MATCAP2: variants seen among roughly 807,000 people sequenced by gnomAD.
MATCAP2 encodes microtubule associated tyrosine carboxypeptidase 2.
chr7:36,385,719 G>A, the MATCAP2 span, among the ~76,000 whole-genome samples: 1 of 151,568 alleles, frequency 6.6e-6, no homozygotes, highest in African/African-American at 2.4e-5. Flanking sequence ...CCAGGAATTT[G>A]AAGCTGCAGT....
At chr7:36,351,828 T>G in the MATCAP2 span, among the ~76,000 whole-genome samples, 1 of 151,478 alleles carries the variant, frequency 6.6e-6, no homozygotes, top group Non-Finnish European at 1.5e-5. Flanking sequence ...ATGCCTATAG[T>G]TCAGCTACTT....
chr7:36,356,823 CTT>C, the MATCAP2 span: 1 of 1,190,456 alleles, frequency 8.4e-7, no homozygotes, highest in Non-Finnish European at 1.2e-6. Flanking sequence ...TTTTAAATGT[CTT>C]TGTTTTTGCT....
the MATCAP2 span, chr7:36,326,820 G>T: frequency 6.2e-7 from 1 of 1,613,922 alleles, no homozygotes; most frequent in Non-Finnish European, 8.5e-7. Context: ...TCTTCTCTAA[G>T]TGTTCCATAT....
At chr7:36,376,438 G>A in the MATCAP2 span, among the ~76,000 whole-genome samples, 1 of 152,204 alleles carries the variant, frequency 6.6e-6, no homozygotes, top group Non-Finnish European at 1.5e-5. Flanking sequence ...TAATTTGATT[G>A]CAGTGTGGTC....
the MATCAP2 span, among the ~76,000 whole-genome samples, chr7:36,345,534 T>C: frequency 1.7e-3 from 262 of 152,322 alleles, 2 homozygotes; most frequent in African/African-American, 5.6e-3. Context: ...CCATTATTCA[T>C]ATTACAGATC....
chr7:36,327,585 G>A, the MATCAP2 span, among the ~76,000 whole-genome samples: 2 of 152,154 alleles, frequency 1.3e-5, no homozygotes, highest in African/African-American at 4.8e-5. Context: ...CGAAATAAAA[G>A]AATCAAAATA....
the MATCAP2 span, among the ~76,000 whole-genome samples, chr7:36,368,633 G>A: frequency 7.9e-5 from 12 of 152,246 alleles, no homozygotes; most frequent in Non-Finnish European, 1.6e-4. Context: ...TGGCCAGAGT[G>A]AACCTGTGAA....
At chr7:36,363,329 T>G in the MATCAP2 span, among the ~76,000 whole-genome samples, 2 of 152,168 alleles carry the variant, frequency 1.3e-5, no homozygotes, top group African/African-American at 4.8e-5. Flanking sequence ...TCTCCTTATA[T>G]CACATACAAA....
chr7:36,335,262 G>C, the MATCAP2 span: 3 of 1,230,384 alleles, frequency 2.4e-6, no homozygotes. Flanking sequence ...CAATGGGCCT[G>C]TAAATTAACA....
At chr7:36,350,831 T>C in the MATCAP2 span, among the ~76,000 whole-genome samples, 2 of 152,202 alleles carry the variant, frequency 1.3e-5, no homozygotes, top group Non-Finnish European at 2.9e-5. Context: ...GTTTACAAAC[T>C]GGAAGACTTC....
At chr7:36,355,866 TA>T in the MATCAP2 span, 1 of 152,348 alleles carries the variant, frequency 6.6e-6, no homozygotes, top group African/African-American at 2.4e-5. Flanking sequence ...GCCCTGCAGA[TA>T]AACATTAGCT....
At chr7:36,352,681 A>T in the MATCAP2 span, among the ~76,000 whole-genome samples, 1 of 151,776 alleles carries the variant, frequency 6.6e-6, no homozygotes, top group Non-Finnish European at 1.5e-5. Context: ...AAAATACAAA[A>T]ATTAGCCAGG....
the MATCAP2 span, among the ~76,000 whole-genome samples, chr7:36,386,657 C>A: frequency 6.6e-6 from 1 of 151,784 alleles, no homozygotes; most frequent in Non-Finnish European, 1.5e-5. Context: ...GAAAAATGGG[C>A]AAGGATATAA....
At chr7:36,385,850 A>AATAAAATAAAATAAG in the MATCAP2 span, among the ~76,000 whole-genome samples, 3 of 147,056 alleles carry the variant, frequency 2.0e-5, no homozygotes, top group South Asian at 2.1e-4. Flanking sequence ...AATAAAATAA[A>AATAAAATAAAATAAG]ATAAGATAAA....
chr7:36,328,378 T>G, the MATCAP2 span, among the ~76,000 whole-genome samples: 2 of 151,936 alleles, frequency 1.3e-5, no homozygotes, highest in East Asian at 3.9e-4. Context: ...CTTCAAATTC[T>G]AAAACACAGT....
the MATCAP2 span, among the ~76,000 whole-genome samples, chr7:36,346,308 C>T: frequency 6.6e-6 from 1 of 152,052 alleles, no homozygotes; most frequent in Non-Finnish European, 1.5e-5. Context: ...TAACTGAAAA[C>T]ATTTGTCCAT....
chr7:36,364,096 T>A, the MATCAP2 span, among the ~76,000 whole-genome samples: 1 of 151,606 alleles, frequency 6.6e-6, no homozygotes, highest in Non-Finnish European at 1.5e-5. Flanking sequence ...TTCTTCTTTT[T>A]TTTTTTTTTG....
chr7:36,369,202 A>AGC, the MATCAP2 span, among the ~76,000 whole-genome samples: 78 of 152,322 alleles, frequency 5.1e-4, 1 homozygote, highest in Non-Finnish European at 8.8e-4. Flanking sequence ...TAGACAACAG[A>AGC]AAGTGTGTGC....
chr7:36,363,328 A>G, the MATCAP2 span, among the ~76,000 whole-genome samples: 1 of 152,234 alleles, frequency 6.6e-6, no homozygotes, highest in African/African-American at 2.4e-5. Context: ...CTCTCCTTAT[A>G]TCACATACAA....
Sources: allele counts gnomAD v4.1 joint callset (sites outside exome capture counted in the v4.1 genomes callset), GRCh38; gene constraint gnomAD v4.1.1; transcripts MANE v1.5; gene names NCBI Gene and HGNC (gene_info 2026-07-23, HGNC 2026-07-21).